INPP5A: variants seen among roughly 807,000 people sequenced by gnomAD.
INPP5A encodes 43 kDa inositol polyphosphate 5-phophatase.
INPP5A carries 14 observed loss-of-function variants against 65.2 expected under a neutral mutation model. The observed-to-expected ratio is 0.21, with a 90% CI of 0.14 to 0.34. INPP5A has a LOEUF of 0.34. Among genes scored for constraint, INPP5A ranks in the 10% least tolerant of loss-of-function variants. The pLI is 1.00. For missense variants in INPP5A, 431 were observed against 545.6 expected (o/e 0.79, Z 2.09); for synonymous variants, 207 against 208.3 (o/e 0.99, Z 0.05).
chr10:132,739,123 C>T (rs889432190), intron 9 of INPP5A, among the ~76,000 whole-genome samples: 2 of 152,254 alleles, frequency 1.3e-5, no homozygotes, highest in Admixed American at 6.5e-5. Context: ...AAGCCAGGCT[C>T]TCAGCTCCTC....
chr10:132,690,490 C>A (rs376678391), intron 5 of INPP5A, 35 bp downstream of exon 5: 1 of 1,488,954 alleles, frequency 6.7e-7, no homozygotes. Context: ...GATTTTGTCT[C>A]GGCACTCACC....
intron 1 of INPP5A, among the ~76,000 whole-genome samples, chr10:132,543,104 C>T (rs965122419): frequency 1.3e-5 from 2 of 152,196 alleles, no homozygotes; most frequent in African/African-American, 2.4e-5. Context: ...CCCTCACACC[C>T]AGCCCTTTCT....
At chr10:132,664,625 C>T (rs567108605) in intron 4 of INPP5A, among the ~76,000 whole-genome samples, 38 of 152,340 alleles carry the variant, frequency 2.5e-4, no homozygotes, top group Non-Finnish European at 4.7e-4. Context: ...CCTCTGAGTG[C>T]GCTCTCTCAC....
chr10:132,593,459 C>T (rs73399347), intron 1 of INPP5A, among the ~76,000 whole-genome samples: 13 of 152,162 alleles, frequency 8.5e-5, no homozygotes, highest in East Asian at 1.9e-4. Flanking sequence ...TATGTACATC[C>T]GGAATTTTGA....
At chr10:132,643,347 A>G (rs1324949547) in intron 2 of INPP5A, among the ~76,000 whole-genome samples, 1 of 152,090 alleles carries the variant, frequency 6.6e-6, no homozygotes, top group Non-Finnish European at 1.5e-5. Context: ...GGCCTGAAGG[A>G]TTTTGAGGCC....
At chr10:132,730,190 C>G (rs944156374) in intron 9 of INPP5A, among the ~76,000 whole-genome samples, 2 of 152,246 alleles carry the variant, frequency 1.3e-5, no homozygotes, top group Non-Finnish European at 2.9e-5. Flanking sequence ...TCAGCCCCTG[C>G]GGGGCCCTCC....
intron 11 of INPP5A, among the ~76,000 whole-genome samples, chr10:132,761,765 G>T (rs758745923): frequency 6.6e-6 from 1 of 152,168 alleles, no homozygotes; most frequent in Non-Finnish European, 1.5e-5. Flanking sequence ...CACCAAAGAC[G>T]ATCTTACAGT....
At position 132,750,417 on chromosome 10, in the gene INPP5A, C is replaced by T. The variant is rs76347972; in HGVS notation, c.903+572C>T. ...GGAATGTGCGGCTCAGGTCGGTCCA[C>T]GGAGAGGTGGCCCCTGCCAGTGAGA... On this transcript the variant is annotated intron_variant, in intron 11 of 15. Transcript: ENST00000368594. Among the ~76,000 whole-genome samples, 295 of 152,346 alleles carry T rather than the reference C, an allele frequency of 1.9e-3. 3 individuals carry two copies. The highest frequency in any genetic ancestry group is 5.9e-3 in the African/African-American group (244 of 41,586).
chr10:132,700,711 G>C (rs934601061), intron 6 of INPP5A, among the ~76,000 whole-genome samples: 10 of 152,358 alleles, frequency 6.6e-5, no homozygotes, highest in South Asian at 4.1e-4. Context: ...TTGGAGGAAG[G>C]AACTAGTTTC....
In INPP5A at chr10:132,663,912, G is replaced by A. The variant is rs932456272; in HGVS notation, c.306+13407G>A. Among the ~76,000 whole-genome samples, 5 of 152,222 alleles carry A rather than the reference G, an allele frequency of 3.3e-5. No individual in the cohort carries two copies. Among genetic ancestry groups the A allele is most frequent in the African/African-American group, 1.2e-4 (5 of 41,466 alleles). On this transcript the variant is annotated intron_variant, in intron 4 of 15. Coordinates refer to ENST00000368594, the MANE Select transcript of INPP5A (RefSeq NM_005539.5). The surrounding 1 kb of genome is among the most constrained non-coding windows in gnomAD (Gnocchi z 4.5). ...GGCAAAGGCTGGGCCAAGGTGCCTCGTGGGCAGCCGATCCATCAGGCGGCC... is the reference window on the plus strand; with the variant it reads ...GGCAAAGGCTGGGCCAAGGTGCCTCATGGGCAGCCGATCCATCAGGCGGCC...
chr10:132,688,991 GTGTGAGTGCC>G (rs1276506988), intron 4 of INPP5A, among the ~76,000 whole-genome samples: 2 of 152,210 alleles, frequency 1.3e-5, no homozygotes, highest in African/African-American at 4.8e-5. Context: ...GTGCAAGTGT[GTGTGAGTGCC>G]TGTGAGTGCT....
intron 7 of INPP5A, 78 bp from the exon 8 acceptor site, chr10:132,710,259 G>T (rs1034425433): frequency 2.0e-6 from 3 of 1,536,734 alleles, no homozygotes; most frequent in Admixed American, 3.8e-5. Context: ...TTATCTTCCC[G>T]GGGACTCCTT....
chr10:132,700,358 G>C (rs560260619), intron 6 of INPP5A, among the ~76,000 whole-genome samples: 1 of 152,130 alleles, frequency 6.6e-6, no homozygotes. Context: ...CCTGGGCCGA[G>C]GCCTCCCTGT....
At chr10:132,606,519 G>C (rs1462149564) in intron 1 of INPP5A, among the ~76,000 whole-genome samples, 1 of 152,230 alleles carries the variant, frequency 6.6e-6, no homozygotes, top group Non-Finnish European at 1.5e-5. Flanking sequence ...CTGGAGCCAG[G>C]GTGTTCTCGG....
chr10:132,672,979 C>G (rs2072912512), intron 4 of INPP5A, among the ~76,000 whole-genome samples: 1 of 152,168 alleles, frequency 6.6e-6, no homozygotes, highest in Non-Finnish European at 1.5e-5. Context: ...CTGGATTGGG[C>G]TGTTGTAGTT....
At chr10:132,765,894 T>A in intron 12 of INPP5A, 48 bp downstream of exon 12, 1 of 1,078,794 alleles carries the variant, frequency 9.3e-7, no homozygotes, top group Non-Finnish European at 1.4e-6. Flanking sequence ...GAAGGTGGCG[T>A]CTCCACCCTC....
chr10:132,763,097 C>T (rs373553816), intron 11 of INPP5A, among the ~76,000 whole-genome samples: 102 of 152,378 alleles, frequency 6.7e-4, no homozygotes, highest in African/African-American at 2.4e-3. Context: ...TGATCCCCTC[C>T]TGCCAGTGCC....
intron 11 of INPP5A, among the ~76,000 whole-genome samples, chr10:132,763,492 C>G (rs1242694500): frequency 6.6e-6 from 1 of 152,232 alleles, no homozygotes; most frequent in Non-Finnish European, 1.5e-5. Context: ...TGCCTGCATG[C>G]AAAGACACAC....
intron 1 of INPP5A, among the ~76,000 whole-genome samples, chr10:132,574,806 T>G (rs1218846791): frequency 6.6e-6 from 1 of 151,838 alleles, no homozygotes; most frequent in East Asian, 1.9e-4. Flanking sequence ...TTTTCCTGCC[T>G]CAGCCTCTGG....
Sources: allele counts gnomAD v4.1 joint callset (sites outside exome capture counted in the v4.1 genomes callset), GRCh38; gene constraint gnomAD v4.1.1; non-coding constraint Gnocchi (gnomAD v3.1); transcripts MANE v1.5; gene names NCBI Gene and HGNC (gene_info 2026-07-23, HGNC 2026-07-21).